The following EPHX3 variants were observed in gnomAD, a reference collection of about 807,000 sequenced individuals.
EPHX3 encodes abhydrolase domain containing 9.
Under a neutral mutation model 40.2 loss-of-function variants are expected in EPHX3, and 39 were observed. That is an observed-to-expected ratio of 0.97 (90% CI 0.75 to 1.27). The LOEUF is 1.27. EPHX3 is among the 50% of genes most tolerant of loss of function. The pLI is 0.00. For missense variants in EPHX3, 442 were observed against 474.0 expected, an observed-to-expected ratio of 0.93 and a Z score of 0.63; for synonymous variants, 213 against 209.7, an observed-to-expected ratio of 1.02 and a Z score of -0.14.
chr19:15,236,375 G>A (rs894062181), upstream of EPHX3: 1 of 152,234 alleles, frequency 6.6e-6, no homozygotes, highest in African/African-American at 2.4e-5. Context: ...CATGGGGGGT[G>A]AGGATCCTAT....
Position 15,228,036 on chromosome 19 carries a change from G to C in EPHX3, c.681C>G (p.Pro227=). 3 of 1,614,034 alleles carry C rather than the reference G, an allele frequency of 1.9e-6. No homozygotes were observed. The highest frequency in any genetic ancestry group is 2.5e-6 in the Non-Finnish European group (3 of 1,180,020). The change falls in exon 5 of 7, where the codon CCC becomes CCG. Residue 227 remains proline (P), a synonymous_variant. Transcript: ENST00000221730. ...RSHYMFLFQL[P]WLPEKLLSMS... ...TAGACAGCAGCTTCTCGGGCAGCCA[G>C]GGCAGCTGGAACAGGAACATGTAGT...
chr19:15,234,699 TA>T (rs1382880925), upstream of EPHX3, among the ~76,000 whole-genome samples: 1 of 152,198 alleles, frequency 6.6e-6, no homozygotes, highest in African/African-American at 2.4e-5. Context: ...TAGTTTCCTT[TA>T]AAAACACTCC....
Position 15,229,131 on chromosome 19 carries a change from G to A in EPHX3, c.617-1031C>T, listed in dbSNP as rs1314849941. 3.3e-5 allele frequency among the ~76,000 whole-genome samples: 5 copies of A among 152,322 alleles called. No homozygotes were observed. In the East Asian group the frequency reaches 9.7e-4, roughly 29 times the overall value. On this transcript the variant is annotated intron_variant, in intron 4 of 6. Transcript: ENST00000221730. ...GCGGTGGCTCACGCCTGTAATCCCAGCACTTTGGGAAGCCAAGGCGGGTGG... is the reference window on the plus strand; with the variant it reads ...GCGGTGGCTCACGCCTGTAATCCCAACACTTTGGGAAGCCAAGGCGGGTGG...
chr19:15,234,793 C>T (rs1432306880), upstream of EPHX3, among the ~76,000 whole-genome samples: 3 of 152,180 alleles, frequency 2.0e-5, no homozygotes, highest in African/African-American at 4.8e-5. Flanking sequence ...ATTATACTGT[C>T]CTGGGACCAT....
intron 2 of EPHX3, among the ~76,000 whole-genome samples, 172 bp downstream of exon 2, chr19:15,231,602 CTT>C (rs2047154762): frequency 6.6e-6 from 1 of 152,224 alleles, no homozygotes; most frequent in Admixed American, 6.5e-5. Flanking sequence ...CTCAATACCC[CTT>C]TGTCCTGTCC....
intron 4 of EPHX3, among the ~76,000 whole-genome samples, chr19:15,229,122 G>C (rs569646626): frequency 6.6e-6 from 1 of 152,226 alleles, no homozygotes; most frequent in African/African-American, 2.4e-5. Context: ...GCTCACGCCT[G>C]TAATCCCAGC....
chr19:15,233,327 A>T (rs1016104678), upstream of EPHX3: 2 of 152,452 alleles, frequency 1.3e-5, no homozygotes, highest in Non-Finnish European at 2.9e-5. Context: ...GGCCCGGCCG[A>T]CGGCCGCCGC....
rs1599417173 is a variant in EPHX3, at chr19:15,227,245, G to A, written c.*192C>T. 3 of 597,566 alleles carry A rather than the reference G, an allele frequency of 5.0e-6. No homozygotes were observed. Among genetic ancestry groups the A allele is most frequent in the Non-Finnish European group, 9.0e-6 (3 of 334,890 alleles). 37.0% of individuals were successfully genotyped at this position (597,566 alleles called of 1,614,324 possible). A position where few individuals can be genotyped will look rare whatever the true frequency, so the allele number is the denominator to read the frequency against. On this transcript the variant is annotated 3_prime_UTR_variant, in exon 7 of 7. Transcript: ENST00000221730. Reference sequence around the variant, plus strand: ...CACACACATGCATCCATGCCTGTGTGTGAGTATAGGGGTTGGTGTGTCCCG... The same window carrying A: ...CACACACATGCATCCATGCCTGTGTATGAGTATAGGGGTTGGTGTGTCCCG...
chr19:15,232,445 G>A lies in EPHX3; in HGVS notation c.-234C>T, dbSNP rs1036883557. The stretch of plus-strand genomic sequence containing the variant: ...TGGGCGCGACAGGGACAGGAAACAA[G>A]GGTAGGGTGCGGAGGCTGGGGAGGA... On this transcript the variant is annotated 5_prime_UTR_variant, in exon 1 of 7. Coordinates refer to ENST00000221730, the MANE Select transcript of EPHX3 (RefSeq NM_024794.3). The A allele has an allele frequency of 1.3e-5, 17 of 1,345,876 alleles. No individual in the cohort carries two copies. The highest frequency in any genetic ancestry group is 1.9e-5 in the South Asian group (1 of 53,904). 83.4% of individuals were successfully genotyped at this position (1,345,876 alleles called of 1,614,324 possible). A position where few individuals can be genotyped will look rare whatever the true frequency, so the allele number is the denominator to read the frequency against.
rs1357393107 is a variant in EPHX3, at chr19:15,227,188, A to G, written c.*249T>C. On this transcript the variant is annotated 3_prime_UTR_variant, in exon 7 of 7. Transcript: ENST00000221730. ...CATCTGGCTCCACTGGAAGAGAGGT[A>G]TACCCAGTTCCCAGGGTCAAAGTGT... is the stretch of plus-strand genomic sequence containing the variant. 1 of 517,464 alleles carries G rather than the reference A, an allele frequency of 1.9e-6. No homozygotes were observed. The highest frequency in any genetic ancestry group is 3.3e-5 in the East Asian group (1 of 29,982). 32.1% of individuals were successfully genotyped at this position (517,464 alleles called of 1,614,324 possible).
Position 15,232,226 on chromosome 19 carries a change from G to A in EPHX3, c.-15C>T, listed in dbSNP as rs1298751853. 100 of 1,480,536 alleles carry A rather than the reference G, an allele frequency of 6.8e-5. No individual in the cohort carries two copies. Among genetic ancestry groups the A allele is most frequent in the Non-Finnish European group, 8.8e-5 (99 of 1,126,736 alleles). 91.7% of individuals were successfully genotyped at this position (1,480,536 alleles called of 1,614,324 possible). On this transcript the variant is annotated 5_prime_UTR_variant, in exon 1 of 7. Coordinates refer to ENST00000221730, the MANE Select transcript of EPHX3 (RefSeq NM_024794.3). ...AGCTCCGGCATGTCGCCGCGCTCCG[G>A]GACCACGGCGGCGCTGCCGGCCAGG...
intron 4 of EPHX3, among the ~76,000 whole-genome samples, chr19:15,228,620 G>A (rs1321501510): frequency 2.9e-5 from 4 of 136,040 alleles, no homozygotes; most frequent in East Asian, 2.3e-4. Flanking sequence ...CCGGGTTCAC[G>A]CCATTCTCCT....
At chr19:15,230,652 C>A (rs1045199243) in intron 4 of EPHX3, among the ~76,000 whole-genome samples, 1 of 129,712 alleles carries the variant, frequency 7.7e-6, no homozygotes, top group Non-Finnish European at 1.7e-5. Flanking sequence ...TGGCTAATTA[C>A]ATTTTTTTTT....
At chr19:15,228,176 A>T in intron 4 of EPHX3, 76 bp from the exon 5 acceptor site, 1 of 1,179,316 alleles carries the variant, frequency 8.5e-7, no homozygotes, top group South Asian at 1.5e-5. Context: ...CCCTACACAT[A>T]CCCAGGTCAG....
chr19:15,229,122 G>A (rs569646626), intron 4 of EPHX3, among the ~76,000 whole-genome samples: 1 of 152,104 alleles, frequency 6.6e-6, no homozygotes, highest in African/African-American at 2.4e-5. Flanking sequence ...GCTCACGCCT[G>A]TAATCCCAGC....
chr19:15,230,612 C>T (rs2047146637), intron 4 of EPHX3, among the ~76,000 whole-genome samples: 1 of 151,928 alleles, frequency 6.6e-6, no homozygotes, highest in Non-Finnish European at 1.5e-5. Context: ...TCCCGAGTAG[C>T]TGGGATTACA....
chr19:15,234,359 C>T (rs1033696670), upstream of EPHX3, among the ~76,000 whole-genome samples: 1 of 146,482 alleles, frequency 6.8e-6, no homozygotes, highest in Non-Finnish European at 1.5e-5. Context: ...TTAGCTTTTT[C>T]TTTTTTTTTC....
At chr19:15,234,269 A>T (rs1178727274), upstream of EPHX3, among the ~76,000 whole-genome samples, 2 of 152,176 alleles carry the variant, frequency 1.3e-5, no homozygotes, top group East Asian at 3.9e-4. Context: ...TAAAATAGCC[A>T]TCCGCAAAGA....
At chr19:15,230,732 A>G (rs1390545430) in intron 4 of EPHX3, among the ~76,000 whole-genome samples, 2 of 149,068 alleles carry the variant, frequency 1.3e-5, no homozygotes, top group East Asian at 2.0e-4. Context: ...GCCTCAAGTG[A>G]TCCTCCCACC....
Sources: gnomAD v4.1 joint callset for allele counts (sites outside exome capture counted in the v4.1 genomes callset) on GRCh38, gnomAD v4.1.1 for gene constraint, MANE v1.5 for transcripts, NCBI Gene and HGNC (gene_info 2026-07-23, HGNC 2026-07-21) for gene names.